Variants in ZNF385D observed in about 807,000 individuals in gnomAD.
ZNF385D encodes zinc finger protein 385D, also known as zinc finger protein 659.
In ZNF385D, 15 loss-of-function variants were observed where a neutral mutation model predicts 35.8. The ratio of observed to expected loss-of-function variants is 0.42; its 90% CI spans 0.28 to 0.64. The LOEUF (loss-of-function observed/expected upper bound fraction) is 0.64, where lower values mean the gene tolerates loss of function less well. Ranked by LOEUF, ZNF385D falls within the 30% of genes least tolerant of loss-of-function variation. ZNF385D has a pLI of 0.23. For synonymous variants in ZNF385D, 212 were observed against 186.8 expected (o/e 1.13, Z -1.10); for missense variants, 474 against 494.6 (o/e 0.96, Z 0.39).
At chr3:22,144,658 T>C (rs1422608875) in intron 3 of ZNF385D, among the ~76,000 whole-genome samples, 8 of 125,380 alleles carry the variant, frequency 6.4e-5, no homozygotes, top group African/African-American at 2.1e-4. Flanking sequence ...AAGTTAGTCA[T>C]CATTAGTAGA....
chr3:21,682,735 T>C (rs1450251991), intron 1 of ZNF385D, among the ~76,000 whole-genome samples: 1 of 149,934 alleles, frequency 6.7e-6, no homozygotes, highest in African/African-American at 2.5e-5. Context: ...AAACTTTTTT[T>C]TTTTTCCTTT....
chr3:21,738,000 T>C (rs1008072008), intron 1 of ZNF385D, among the ~76,000 whole-genome samples: 6 of 152,252 alleles, frequency 3.9e-5, no homozygotes, highest in African/African-American at 1.4e-4. Context: ...TTACAGGGGT[T>C]GGTGCTGTAT....
chr3:22,035,587 T>C (rs17010653), intron 3 of ZNF385D, among the ~76,000 whole-genome samples: 5,684 of 152,232 alleles, frequency 0.037, 365 homozygotes, highest in African/African-American at 0.13. Context: ...CTTTGATGAA[T>C]TGTCATAATG....
chr3:22,360,426 A>G (rs973616428), intron 2 of ZNF385D, among the ~76,000 whole-genome samples: 2 of 151,920 alleles, frequency 1.3e-5, no homozygotes, highest in African/African-American at 4.8e-5. Flanking sequence ...TTAGTTCCAA[A>G]CACAATAAAG....
At chr3:21,642,058 A>G (rs1184931038) in intron 2 of ZNF385D, among the ~76,000 whole-genome samples, 1 of 152,102 alleles carries the variant, frequency 6.6e-6, no homozygotes, top group African/African-American at 2.4e-5. Context: ...CAGAAAACTC[A>G]TCTGCATAAT....
intron 2 of ZNF385D, among the ~76,000 whole-genome samples, chr3:22,325,034 G>C (rs1208807675): frequency 6.6e-6 from 1 of 152,154 alleles, no homozygotes; most frequent in Non-Finnish European, 1.5e-5. Flanking sequence ...TTCTAAGTTT[G>C]CTCTGATAAT....
At chr3:21,475,294 T>C (rs1419703823) in intron 4 of ZNF385D, among the ~76,000 whole-genome samples, 1 of 152,120 alleles carries the variant, frequency 6.6e-6, no homozygotes, top group Non-Finnish European at 1.5e-5. Context: ...AAAATCTATA[T>C]GTATTCTATA....
intron 3 of ZNF385D, among the ~76,000 whole-genome samples, chr3:22,030,802 C>G (rs1490484334): frequency 1.3e-5 from 2 of 152,096 alleles, no homozygotes; most frequent in African/African-American, 2.4e-5. Flanking sequence ...CTGAAAAGTC[C>G]AAGTCCAAAG....
At chr3:22,176,123 G>A (rs951081830) in intron 2 of ZNF385D, among the ~76,000 whole-genome samples, 8 of 151,286 alleles carry the variant, frequency 5.3e-5, no homozygotes, top group African/African-American at 1.7e-4. Flanking sequence ...AAATTCCCAA[G>A]ACATAAAAAT....
chr3:22,305,695 C>T (rs558218739), intron 2 of ZNF385D, among the ~76,000 whole-genome samples: 63 of 152,260 alleles, frequency 4.1e-4, no homozygotes, highest in Middle Eastern at 6.8e-3. Flanking sequence ...GCAAGTCACA[C>T]GGCCACAACT....
At chr3:22,082,855 A>C (rs1188036442) in intron 3 of ZNF385D, among the ~76,000 whole-genome samples, 1 of 152,134 alleles carries the variant, frequency 6.6e-6, no homozygotes, top group Non-Finnish European at 1.5e-5. Context: ...AAGCTTCCAG[A>C]AGAAGGATCA....
intron 2 of ZNF385D, among the ~76,000 whole-genome samples, chr3:22,179,808 G>A (rs1378671979): frequency 6.6e-6 from 1 of 152,144 alleles, no homozygotes; most frequent in Non-Finnish European, 1.5e-5. Flanking sequence ...GAAATTTATA[G>A]CACTAAATGC....
At chr3:21,787,668 T>C (rs2071748097) in intron 3 of ZNF385D, among the ~76,000 whole-genome samples, 1 of 152,004 alleles carries the variant, frequency 6.6e-6, no homozygotes, top group African/African-American at 2.4e-5. Flanking sequence ...CTGCCATCAA[T>C]TCATTAACAT....
intron 3 of ZNF385D, among the ~76,000 whole-genome samples, chr3:21,787,148 G>A (rs1319948599): frequency 6.6e-6 from 1 of 152,154 alleles, no homozygotes; most frequent in South Asian, 2.1e-4. Context: ...ATAAAGCAAA[G>A]TAGTGGAGGC....
At chr3:21,956,427 T>G (rs1020867573) in intron 3 of ZNF385D, among the ~76,000 whole-genome samples, 1 of 139,040 alleles carries the variant, frequency 7.2e-6, no homozygotes, top group Non-Finnish European at 1.7e-5. Context: ...ATGATAAAGT[T>G]TGAGTGGGAG....
chr3:21,723,164 G>A (rs756507337), intron 1 of ZNF385D, among the ~76,000 whole-genome samples: 19 of 152,094 alleles, frequency 1.2e-4, no homozygotes, highest in African/African-American at 2.2e-4. Flanking sequence ...CATCAAAGAC[G>A]AAAGGTAGAT....
intron 3 of ZNF385D, among the ~76,000 whole-genome samples, chr3:21,953,582 G>C (rs1702158766): frequency 2.0e-5 from 3 of 151,936 alleles, no homozygotes; most frequent in African/African-American, 7.2e-5. Context: ...TTTAAATAGG[G>C]TAGCTTCCAG....
At chr3:22,261,556 T>C (rs181752415) in intron 2 of ZNF385D, among the ~76,000 whole-genome samples, 1 of 152,128 alleles carries the variant, frequency 6.6e-6, no homozygotes, top group Admixed American at 6.6e-5. Flanking sequence ...CATCCGTCCC[T>C]ATCCTGCTCT....
intron 2 of ZNF385D, among the ~76,000 whole-genome samples, chr3:22,259,625 T>G (rs894403969): frequency 5.9e-5 from 9 of 152,002 alleles, no homozygotes; most frequent in African/African-American, 1.7e-4. Flanking sequence ...GTTTTGAGAT[T>G]TAACAAAATA....
Sources: gnomAD v4.1 joint callset for allele counts (sites outside exome capture counted in the v4.1 genomes callset) on GRCh38, gnomAD v4.1.1 for gene constraint, MANE v1.5 for transcripts, NCBI Gene and HGNC (gene_info 2026-07-23, HGNC 2026-07-21) for gene names.